Variants in MACROD1 observed in about 807,000 individuals in gnomAD.
MACROD1 encodes mono-ADP ribosylhydrolase 1, also known as ADP-ribose glycohydrolase MACROD1.
A neutral mutation model predicts 41.4 loss-of-function variants in MACROD1; 31 were observed. The ratio of observed to expected loss-of-function variants is 0.75; its 90% CI spans 0.56 to 1.01. MACROD1 has a LOEUF of 1.01. MACROD1 is among the 50% of genes least tolerant of loss of function. The probability of loss-of-function intolerance (pLI) is 0.00; values close to 1 mark genes in which losing one functional copy is unlikely to be tolerated. For missense variants in MACROD1, 473 were observed against 460.0 expected (o/e 1.03, Z -0.26); for synonymous variants, 252 against 203.4 (o/e 1.24, Z -2.03).
chr11:64,044,196 C>A (rs12364184), intron 3 of MACROD1, among the ~76,000 whole-genome samples: 3 of 151,958 alleles, frequency 2.0e-5, no homozygotes, highest in African/African-American at 7.3e-5. Context: ...GCAATAGTAG[C>A]TGACATTTAT....
chr11:64,021,607 G>A (rs576551309), intron 3 of MACROD1, among the ~76,000 whole-genome samples: 123 of 152,184 alleles, frequency 8.1e-4, no homozygotes, highest in African/African-American at 2.9e-3. Flanking sequence ...TGCTGCTCTG[G>A]GCCTCACCCT....
intron 4 of MACROD1, among the ~76,000 whole-genome samples, chr11:64,007,077 C>A (rs1942924990): frequency 6.6e-6 from 1 of 152,210 alleles, no homozygotes; most frequent in African/African-American, 2.4e-5. Flanking sequence ...TCAACTCCAA[C>A]AAAGCTTTCC....
intron 3 of MACROD1, among the ~76,000 whole-genome samples, chr11:64,142,979 G>A (rs532880577): frequency 6.6e-6 from 1 of 151,920 alleles, no homozygotes; most frequent in African/African-American, 2.4e-5. Context: ...AGCTGGGAGG[G>A]GTGGCATGCC....
chr11:64,093,577 C>T (rs893991059), intron 3 of MACROD1, among the ~76,000 whole-genome samples: 2 of 152,248 alleles, frequency 1.3e-5, no homozygotes, highest in Admixed American at 6.5e-5. Context: ...CCAGTCCTTC[C>T]CTCCCAGTCC....
At chr11:64,144,744 G>A (rs768034311) in intron 3 of MACROD1, among the ~76,000 whole-genome samples, 3 of 152,252 alleles carry the variant, frequency 2.0e-5, no homozygotes, top group Non-Finnish European at 4.4e-5. Context: ...CGCTGGCCCG[G>A]CCATCTCCCC....
At chr11:64,009,009 A>G (rs954045997) in intron 4 of MACROD1, 4 of 152,198 alleles carry the variant, frequency 2.6e-5, no homozygotes, top group Non-Finnish European at 5.9e-5. Context: ...ATTTAGATGA[A>G]TAATTGAAAC....
intron 3 of MACROD1, among the ~76,000 whole-genome samples, chr11:64,149,570 T>G (rs894516861): frequency 1.3e-5 from 2 of 152,176 alleles, no homozygotes; most frequent in African/African-American, 2.4e-5. Flanking sequence ...ACACCCCACC[T>G]TGGTCCCTGC....
intron 3 of MACROD1, among the ~76,000 whole-genome samples, chr11:64,092,650 C>G (rs966877517): frequency 6.6e-6 from 1 of 152,232 alleles, no homozygotes; most frequent in African/African-American, 2.4e-5. Flanking sequence ...CACTGTGTGC[C>G]AGCCACCAGC....
At chr11:64,058,315 A>G (rs1350433510) in intron 3 of MACROD1, among the ~76,000 whole-genome samples, 1 of 152,222 alleles carries the variant, frequency 6.6e-6, no homozygotes, top group Admixed American at 6.5e-5. Context: ...CTTGGTGCCC[A>G]TCTCAGCCCC....
At chr11:64,039,196 G>A (rs956757422) in intron 3 of MACROD1, among the ~76,000 whole-genome samples, 7 of 152,160 alleles carry the variant, frequency 4.6e-5, no homozygotes, top group Non-Finnish European at 8.8e-5. Flanking sequence ...TATAGGATGG[G>A]GTGCGTGAGG....
chr11:64,144,474 G>A (rs1177369633), intron 3 of MACROD1, among the ~76,000 whole-genome samples: 1 of 152,224 alleles, frequency 6.6e-6, no homozygotes, highest in Non-Finnish European at 1.5e-5. Context: ...ACCTGCCGAG[G>A]TGGGGCTTGT....
intron 3 of MACROD1, among the ~76,000 whole-genome samples, chr11:64,035,705 G>A (rs556407568): frequency 2.1e-4 from 1 of 4,716 alleles, no homozygotes; most frequent in African/African-American, 3.4e-4. Context: ...GCGCAGCGCG[G>A]CGCCCCCGTC....
intron 3 of MACROD1, chr11:64,117,060 C>T (rs763341717): frequency 6.2e-7 from 1 of 1,603,926 alleles, no homozygotes; most frequent in East Asian, 2.3e-5. Flanking sequence ...CGCGCCACCC[C>T]TCAACCTGCC....
At chr11:64,031,185 T>C (rs1388008603) in intron 3 of MACROD1, among the ~76,000 whole-genome samples, 1 of 152,062 alleles carries the variant, frequency 6.6e-6, no homozygotes, top group Non-Finnish European at 1.5e-5. Flanking sequence ...CCCTCCCTGC[T>C]CCCAGCACCA....
At chr11:64,118,456 C>A in intron 3 of MACROD1, 1 of 730,008 alleles carries the variant, frequency 1.4e-6, no homozygotes, top group Non-Finnish European at 2.1e-6. Context: ...TTTTGTAGAA[C>A]ACAACAGTGA....
intron 2 of MACROD1, among the ~76,000 whole-genome samples, chr11:64,151,642 G>C (rs1945580414): frequency 6.6e-6 from 1 of 152,166 alleles, no homozygotes; most frequent in African/African-American, 2.4e-5. Flanking sequence ...GATTAGGTGG[G>C]TCAGAGACTT....
At chr11:64,083,418 C>T (rs1404196987) in intron 3 of MACROD1, among the ~76,000 whole-genome samples, 1 of 152,166 alleles carries the variant, frequency 6.6e-6, no homozygotes, top group East Asian at 1.9e-4. Context: ...CCTGGCAACA[C>T]TGCCTGGGCA....
rs1251706778 is a variant in MACROD1 at position 64,120,979 on chromosome 11, G to A, written c.517+30260C>T. 1.3e-5 allele frequency among the ~76,000 whole-genome samples: 2 copies of A among 152,136 alleles called. No homozygotes were observed. The highest frequency in any genetic ancestry group is 2.9e-5 in the Non-Finnish European group (2 of 68,014). ...TCCTCTCCCCACCCTAGACAGGTCA[G>A]GTCATGCCCTTAGTGGCTAGGAAGG... On this transcript the variant is annotated intron_variant, in intron 3 of 10. Coordinates refer to ENST00000255681, the MANE Select transcript of MACROD1 (RefSeq NM_014067.4). The surrounding 1 kb of genome is among the most constrained non-coding windows in gnomAD (Gnocchi z 4.5).
At chr11:64,114,498 T>G (rs1372467552) in intron 3 of MACROD1, among the ~76,000 whole-genome samples, 1 of 149,644 alleles carries the variant, frequency 6.7e-6, no homozygotes. Context: ...AATGGATGGA[T>G]GGATGGATGA....
Sources: gnomAD v4.1 joint callset for allele counts (sites outside exome capture counted in the v4.1 genomes callset) on GRCh38, gnomAD v4.1.1 for gene constraint, Gnocchi (gnomAD v3.1) non-coding constraint, MANE v1.5 for transcripts, NCBI Gene and HGNC (gene_info 2026-07-23, HGNC 2026-07-21) for gene names.